CIT: variants seen among roughly 807,000 people sequenced by gnomAD.
The protein encoded by CIT is citron Rho-interacting kinase.
A neutral mutation model predicts 272.7 loss-of-function variants in CIT; 79 were observed. The ratio of observed to expected loss-of-function variants is 0.29; its 90% CI spans 0.24 to 0.35. CIT has a LOEUF of 0.35. Among genes scored for constraint, CIT ranks in the 10% least tolerant of loss-of-function variants. The probability of loss-of-function intolerance (pLI) is 1.00; values close to 1 mark genes in which losing one functional copy is unlikely to be tolerated. For synonymous variants in CIT, 948 were observed against 995.6 expected (o/e 0.95, Z 0.90); for missense variants, 1,909 against 2,618.3 (o/e 0.73, Z 5.91).
intron 10 of CIT, among the ~76,000 whole-genome samples, chr12:119,788,363 C>T (rs537434060): frequency 6.6e-5 from 10 of 152,226 alleles, no homozygotes; most frequent in African/African-American, 2.2e-4. Flanking sequence ...GAACAAGACC[C>T]AAACCACCCA....
intron 47 of CIT, among the ~76,000 whole-genome samples, chr12:119,688,776 G>C (rs1479177326): frequency 6.6e-6 from 1 of 152,220 alleles, no homozygotes; most frequent in Non-Finnish European, 1.5e-5. Context: ...TCATGCACAT[G>C]ATTTAAACAT....
chr12:119,724,436 A>G lies in CIT; in HGVS notation c.3592-2987T>C, dbSNP rs143997944. Among the ~76,000 whole-genome samples the G allele has an allele frequency of 1.0e-3, 158 of 152,334 alleles. 1 individual carries two copies. Among genetic ancestry groups the G allele is most frequent in the African/African-American group, 3.7e-3 (153 of 41,570 alleles). On this transcript the variant is annotated intron_variant, in intron 28 of 47. Transcript: ENST00000392521. ...TAAAAGTGGAAGGTTTTTAGTTCAA[A>G]ATAAGAATGTTCTAAGAATGAGAGT...
intron 5 of CIT, among the ~76,000 whole-genome samples, chr12:119,841,476 A>G (rs1029915826): frequency 1.3e-5 from 2 of 152,018 alleles, no homozygotes; most frequent in South Asian, 2.1e-4. Flanking sequence ...TGCCCAGCCA[A>G]AAGCAGCTGT....
chr12:119,854,089 G>A (rs1471100485), intron 4 of CIT, among the ~76,000 whole-genome samples: 4 of 151,694 alleles, frequency 2.6e-5, no homozygotes, highest in African/African-American at 7.3e-5. Context: ...GTGCAGTGGC[G>A]TGATCTAAGC....
At position 119,690,688 on chromosome 12, in the gene CIT, G is replaced by A. The variant is rs996729007; in HGVS notation, c.5883-234C>T. On this transcript the variant is annotated intron_variant, in intron 46 of 47. Coordinates refer to ENST00000392521, the MANE Select transcript of CIT (RefSeq NM_001206999.2). This position sits in a 1 kb window ranked among gnomAD's most constrained non-coding sequence, Gnocchi z 6.0. ...TCCTCAGTGCAGGCTTTCATTTACT[G>A]AGCACCTACTGTGTGCCAGGCCTGT... Among the ~76,000 whole-genome samples, 1 of 152,190 alleles carries A rather than the reference G, an allele frequency of 6.6e-6. No individual in the cohort carries two copies. Among genetic ancestry groups the A allele is most frequent in the Non-Finnish European group, 1.5e-5 (1 of 68,036 alleles).
chr12:119,772,952 T>C lies in CIT; in HGVS notation c.1942-42A>G, dbSNP rs200255316. On this transcript the variant is annotated intron_variant, in intron 16 of 47. Coordinates refer to ENST00000392521, the MANE Select transcript of CIT (RefSeq NM_001206999.2). ...AAAAGGAGATAGGTGGGCAAATTTA[T>C]TCATATAAAAAGATGGTGACAGTAT... 3.2e-5 allele frequency: 50 copies of C among 1,578,888 alleles called. No individual in the cohort carries two copies. In the East Asian group the frequency reaches 3.6e-4, roughly 11 times the overall value.
chr12:119,766,023 T>C (rs1475742993), intron 19 of CIT, among the ~76,000 whole-genome samples: 1 of 151,920 alleles, frequency 6.6e-6, no homozygotes, highest in Non-Finnish European at 1.5e-5. Context: ...ATAAAGAAAA[T>C]GTGGTATACG....
In CIT at chr12:119,810,285, T is replaced by C. The variant is rs1289850919; in HGVS notation, c.1112-6896A>G. 1.2e-4 allele frequency among the ~76,000 whole-genome samples: 19 copies of C among 152,110 alleles called. 1 individual carries two copies. The highest frequency in any genetic ancestry group is 1.1e-3 in the Admixed American group (17 of 15,282). On this transcript the variant is annotated intron_variant, in intron 9 of 47. Transcript: ENST00000392521. ...CGCCTAGTGGTGTCCACTGCAGAAC[T>C]TACTGCTTGCTTGGTGGTGACCACA...
At chr12:119,699,724 C>G in intron 44 of CIT, 1 of 445,824 alleles carries the variant, frequency 2.2e-6, no homozygotes, top group Middle Eastern at 3.3e-4. Flanking sequence ...GTCCCAGTGG[C>G]CCTGCTGATA....
At chr12:119,695,507 G>T (rs745914229) in intron 46 of CIT, among the ~76,000 whole-genome samples, 1 of 152,112 alleles carries the variant, frequency 6.6e-6, no homozygotes, top group African/African-American at 2.4e-5. Flanking sequence ...TATATTAAAT[G>T]GTGTAGGACC....
intron 3 of CIT, among the ~76,000 whole-genome samples, chr12:119,866,476 G>T (rs1312029771): frequency 6.6e-6 from 1 of 152,060 alleles, no homozygotes; most frequent in Non-Finnish European, 1.5e-5. Context: ...GGCCAAACAG[G>T]AACTATTTTG....
rs369095198 is a variant in CIT at position 119,708,166 on chromosome 12, G to A, written c.5211+13C>T. On this transcript the variant is annotated intron_variant, in intron 40 of 47. Coordinates refer to ENST00000392521, the MANE Select transcript of CIT (RefSeq NM_001206999.2). ...AGAACATTCCACCAGCTAGGACTCT[G>A]AGGGGAGCTTACCTTGCCTGCCCCA... 3 of 1,548,152 alleles carry A rather than the reference G, an allele frequency of 1.9e-6. No individual in the cohort carries two copies. The highest frequency in any genetic ancestry group is 2.8e-5 in the African/African-American group (2 of 71,938).
At chr12:119,871,417 C>CGGCT (rs1429072600) in intron 2 of CIT, among the ~76,000 whole-genome samples, 2 of 152,116 alleles carry the variant, frequency 1.3e-5, no homozygotes, top group East Asian at 3.8e-4. Flanking sequence ...AGAAACAGAC[C>CGGCT]GGCTGCATTT....
intron 12 of CIT, chr12:119,783,436 A>G (rs1964487552): frequency 6.5e-6 from 1 of 152,682 alleles, no homozygotes; most frequent in Non-Finnish European, 1.5e-5. Context: ...CACATGGTAA[A>G]TAATGACAGA....
chr12:119,707,978 C>A (rs1956966012), intron 40 of CIT, among the ~76,000 whole-genome samples: 1 of 152,200 alleles, frequency 6.6e-6, no homozygotes. Flanking sequence ...TCCCTAGATA[C>A]CCACATAGTT....
At chr12:119,819,322 G>A (rs1967481024) in intron 9 of CIT, among the ~76,000 whole-genome samples, 1 of 152,040 alleles carries the variant, frequency 6.6e-6, no homozygotes, top group African/African-American at 2.4e-5. Flanking sequence ...TGGTTCATGG[G>A]GTGCTGCCTG....
At chr12:119,814,433 C>T (rs571986991) in intron 9 of CIT, among the ~76,000 whole-genome samples, 12 of 152,254 alleles carry the variant, frequency 7.9e-5, no homozygotes, top group African/African-American at 2.9e-4. Context: ...GGCGCCCACA[C>T]GCTCCTGGTC....
At chr12:119,761,259 C>T (rs761881138) in intron 19 of CIT, among the ~76,000 whole-genome samples, 17 of 152,090 alleles carry the variant, frequency 1.1e-4, no homozygotes, top group Non-Finnish European at 1.9e-4. Flanking sequence ...TATTACCATC[C>T]AATGGCAAGT....
intron 22 of CIT, among the ~76,000 whole-genome samples, chr12:119,755,280 C>T (rs1593609283): frequency 6.6e-6 from 1 of 152,132 alleles, no homozygotes; most frequent in Admixed American, 6.5e-5. Context: ...CCAGACACTC[C>T]AGGTGAACCT....
Sources: gnomAD v4.1 joint callset for allele counts (sites outside exome capture counted in the v4.1 genomes callset) on GRCh38, gnomAD v4.1.1 for gene constraint, Gnocchi (gnomAD v3.1) non-coding constraint, MANE v1.5 for transcripts, NCBI Gene and HGNC (gene_info 2026-07-23, HGNC 2026-07-21) for gene names.